SUSD1: variants seen among roughly 807,000 people sequenced by gnomAD.
The protein encoded by SUSD1 is sushi domain-containing protein 1.
Under a neutral mutation model 86.9 loss-of-function variants are expected in SUSD1, and 65 were observed. That is an observed-to-expected ratio of 0.75 (90% CI 0.61 to 0.92). The LOEUF (loss-of-function observed/expected upper bound fraction) is 0.92. SUSD1 is among the 40% of genes least tolerant of loss of function. The pLI, the probability that SUSD1 is intolerant of heterozygous loss-of-function variation, is 0.00. For synonymous variants in SUSD1, 346 were observed against 350.0 expected (o/e 0.99, Z 0.13); for missense variants, 850 against 929.7 (o/e 0.91, Z 1.11).
chr9:112,172,578 G>A (rs1834090987), intron 1 of SUSD1, among the ~76,000 whole-genome samples: 1 of 152,118 alleles, frequency 6.6e-6, no homozygotes, highest in Non-Finnish European at 1.5e-5. Flanking sequence ...TCAAATTCAG[G>A]ATGTCCAAAA....
At chr9:112,165,957 GAAAGAA>G (rs1833800718) in intron 1 of SUSD1, among the ~76,000 whole-genome samples, 1 of 146,836 alleles carries the variant, frequency 6.8e-6, no homozygotes, top group African/African-American at 2.6e-5. Flanking sequence ...AAGAAAGAAA[GAAAGAA>G]AGAAAGAAAG....
intron 1 of SUSD1, among the ~76,000 whole-genome samples, chr9:112,165,931 A>AAAG (rs879399182): frequency 0.063 from 7,226 of 114,292 alleles, 357 homozygotes; most frequent in Middle Eastern, 0.074. Context: ...GAAAAGAAAG[A>AAAG]AAGAAAGAAA....
chr9:112,156,428 C>T (rs1000638065), intron 2 of SUSD1, among the ~76,000 whole-genome samples: 1 of 151,368 alleles, frequency 6.6e-6, no homozygotes, highest in Non-Finnish European at 1.5e-5. Context: ...CACCACTGCA[C>T]TCCAGCCTGG....
In SUSD1 at chr9:112,133,690, T is replaced by C. The variant is rs144103725; in HGVS notation, c.706+8630A>G. On this transcript the variant is annotated intron_variant, in intron 5 of 16. Coordinates refer to ENST00000374270, the MANE Select transcript of SUSD1 (RefSeq NM_022486.5). ...TTTTTTATTAAGCCCTCAATAGCAA[T>C]TGCAACAAAAACAAAAGTGACAAGT... Among the ~76,000 whole-genome samples, 361 of 152,236 alleles carry C rather than the reference T, an allele frequency of 2.4e-3. 1 individual carries two copies. The highest frequency in any genetic ancestry group is 8.0e-3 in the African/African-American group (333 of 41,556).
intron 10 of SUSD1, among the ~76,000 whole-genome samples, chr9:112,081,633 T>C (rs1829771511): frequency 6.6e-6 from 1 of 152,192 alleles, no homozygotes; most frequent in African/African-American, 2.4e-5. Flanking sequence ...CCCAAATCAT[T>C]TAATATGACT....
At position 112,067,120 on chromosome 9, in the gene SUSD1, C is replaced by T. The variant is rs113858191; in HGVS notation, c.1754-4087G>A. On this transcript the variant is annotated intron_variant, in intron 12 of 16. Transcript: ENST00000374270. ...TCAACACTCCTCACCTCAGGTGATC[C>T]GCCCACCTCTGCCTCCCAAAGTGCT... Among the ~76,000 whole-genome samples, 580 of 152,314 alleles carry T rather than the reference C, an allele frequency of 3.8e-3. 4 individuals are homozygous for T. Among genetic ancestry groups the T allele is most frequent in the African/African-American group, 0.013 (555 of 41,566 alleles).
At chr9:112,165,942 G>GAAAGAAGAAAGAAAGAAAGGAAGAAAGA (rs11377595) in intron 1 of SUSD1, among the ~76,000 whole-genome samples, 24 of 71,956 alleles carry the variant, frequency 3.3e-4, no homozygotes, top group African/African-American at 1.3e-3. Context: ...AAGAAAGAAA[G>GAAAGAAGAAAGAAAGAAAGGAAGAAAGA]AAGAAAGAAA....
intron 5 of SUSD1, among the ~76,000 whole-genome samples, chr9:112,130,359 C>A (rs1051603043): frequency 1.2e-4 from 17 of 143,180 alleles, no homozygotes; most frequent in African/African-American, 3.9e-4. Flanking sequence ...GGCAATAGAG[C>A]GAGACTCCAT....
Position 112,143,603 on chromosome 9 carries a change from A to G in SUSD1, c.394T>C (p.Ser132Pro). 1 of 1,613,848 alleles carries G rather than the reference A, an allele frequency of 6.2e-7. No individual in the cohort carries two copies. Among genetic ancestry groups the G allele is most frequent in the Non-Finnish European group, 8.5e-7 (1 of 1,179,884 alleles). Residue 132 changes from serine to proline, a missense_variant, in exon 4 of 17, where the codon TCT becomes CCT. By Grantham distance (74) the Ser-to-Pro change is moderately conservative. Transcript: ENST00000374270. ...CGCCCTCCATGCCTGCACAGGCCAG[A>G]AACTTCACACTCATCTATGTCTTGG... ...FCTDIDECEV[S>P]GLCRHGGRCV...
chr9:112,041,925 C>T lies in SUSD1; in HGVS notation c.2185G>A (p.Gly729Arg). 1.9e-6 allele frequency: 3 copies of T among 1,614,040 alleles called. No individual in the cohort carries two copies. In the East Asian group the frequency reaches 6.7e-5, roughly 36 times the overall value. Residue 729 changes from glycine (G) to arginine (R), a missense_variant, in exon 16 of 17, where the codon GGA becomes AGA. By Grantham distance (125) the Gly-to-Arg change is moderately radical. Transcript: ENST00000374270. ...ATCACAACAGCCAGGGAACCCAGTC[C>T]AACACCCGCCATCTGCAGCAGCATG... The part of the protein sequence containing the change: ...SLMLLQMAGV[G>R]LGSLAVVIIL...
At chr9:112,087,762 A>C (rs1213667652) in intron 10 of SUSD1, among the ~76,000 whole-genome samples, 2 of 152,220 alleles carry the variant, frequency 1.3e-5, no homozygotes, top group African/African-American at 2.4e-5. Context: ...ATGTATAATT[A>C]AATTATCTGA....
chr9:112,076,182 A>G (rs1829506472), intron 12 of SUSD1, among the ~76,000 whole-genome samples: 1 of 152,200 alleles, frequency 6.6e-6, no homozygotes, highest in African/African-American at 2.4e-5. Flanking sequence ...TGATCTTTTG[A>G]AAGTTATGGT....
intron 1 of SUSD1, among the ~76,000 whole-genome samples, chr9:112,161,614 G>A (rs1833573616): frequency 6.6e-6 from 1 of 152,064 alleles, no homozygotes; most frequent in Non-Finnish European, 1.5e-5. Flanking sequence ...CCTAAGGTCA[G>A]GAGTTTGAGA....
At chr9:112,103,690 G>C (rs1235710790) in intron 8 of SUSD1, among the ~76,000 whole-genome samples, 2 of 152,168 alleles carry the variant, frequency 1.3e-5, no homozygotes, top group African/African-American at 4.8e-5. Flanking sequence ...TTTGCATCTG[G>C]GTTGGAAAGA....
intron 1 of SUSD1, among the ~76,000 whole-genome samples, chr9:112,171,426 G>A (rs1644723431): frequency 6.6e-6 from 1 of 152,174 alleles, no homozygotes; most frequent in Non-Finnish European, 1.5e-5. Flanking sequence ...CCTAATACAA[G>A]CCACTGTCCC....
In SUSD1 at chr9:112,078,811, C is replaced by CTTT. The variant is rs71496739; in HGVS notation, c.1567-90_1567-88dup. On this transcript the variant is annotated intron_variant, in intron 11 of 16. Coordinates refer to ENST00000374270, the MANE Select transcript of SUSD1 (RefSeq NM_022486.5). ...ACCTCCCCTTTTCCTTTTTCTTTCT[C>CTTT]TTTTTTTTTTTTTTTTTTTGAGATG... The CTTT allele has an allele frequency of 6.5e-3, 4,158 of 638,944 alleles. 1 individual carries two copies. Among genetic ancestry groups the CTTT allele is most frequent in the Middle Eastern group, 8.8e-3 (17 of 1,928 alleles). 39.6% of individuals were successfully genotyped at this position (638,944 alleles called of 1,614,324 possible). A position where few individuals can be genotyped will look rare whatever the true frequency, so the allele number is the denominator to read the frequency against.
chr9:112,079,104 G>A (rs529949260), intron 11 of SUSD1, among the ~76,000 whole-genome samples: 7 of 152,014 alleles, frequency 4.6e-5, no homozygotes, highest in Non-Finnish European at 8.8e-5. Context: ...GAGCCACCGC[G>A]CCCAGCCCCT....
intron 8 of SUSD1, among the ~76,000 whole-genome samples, chr9:112,105,355 A>T (rs979298603): frequency 2.5e-4 from 38 of 152,264 alleles, no homozygotes; most frequent in African/African-American, 8.4e-4. Flanking sequence ...AAAAAAAAAA[A>T]GCAATAATCA....
At chr9:112,173,076 T>C (rs941518372) in intron 1 of SUSD1, among the ~76,000 whole-genome samples, 1 of 152,188 alleles carries the variant, frequency 6.6e-6, no homozygotes, top group Non-Finnish European at 1.5e-5. Flanking sequence ...GGGATCATAC[T>C]GGACAGTTTC....
Sources: allele counts gnomAD v4.1 joint callset (sites outside exome capture counted in the v4.1 genomes callset), GRCh38; gene constraint gnomAD v4.1.1; transcripts MANE v1.5; gene names NCBI Gene and HGNC (gene_info 2026-07-23, HGNC 2026-07-21).